PHF21B: variants seen among roughly 807,000 people sequenced by gnomAD.
PHF21B encodes PHD finger protein 21B, also known as PHD finger protein 4.
PHF21B carries 22 observed loss-of-function variants against 62.2 expected under a neutral mutation model. The observed-to-expected ratio is 0.35, with a 90% CI of 0.25 to 0.51. The LOEUF (loss-of-function observed/expected upper bound fraction) is 0.51. Among genes scored for constraint, PHF21B ranks in the 20% least tolerant of loss-of-function variants. The pLI, the probability that PHF21B is intolerant of heterozygous loss-of-function variation, is 0.97. For missense variants in PHF21B, 701 were observed against 707.9 expected, an observed-to-expected ratio of 0.99 and a Z score of 0.11; for synonymous variants, 341 against 314.7, an observed-to-expected ratio of 1.08 and a Z score of -0.88.
At chr22:44,975,832 T>C (rs1385350962) in intron 2 of PHF21B, among the ~76,000 whole-genome samples, 4 of 152,232 alleles carry the variant, frequency 2.6e-5, no homozygotes, top group Non-Finnish European at 5.9e-5. Flanking sequence ...TCAGTTTTGC[T>C]TCATTTCCAG....
chr22:44,883,652 C>T (rs953649075), intron 12 of PHF21B, among the ~76,000 whole-genome samples: 1 of 152,144 alleles, frequency 6.6e-6, no homozygotes, highest in Non-Finnish European at 1.5e-5. Flanking sequence ...GCTTCCCAGT[C>T]GCCTTTCTGC....
intron 2 of PHF21B, among the ~76,000 whole-genome samples, chr22:44,984,558 G>A (rs971759294): frequency 6.6e-6 from 1 of 152,158 alleles, no homozygotes; most frequent in African/African-American, 2.4e-5. Flanking sequence ...TGGCTCTGAG[G>A]GCCCCTGTGC....
chr22:44,943,090 G>GC (rs1287513545), intron 2 of PHF21B, among the ~76,000 whole-genome samples: 36 of 150,750 alleles, frequency 2.4e-4, no homozygotes, highest in African/African-American at 7.6e-4. Context: ...CACCGCCTCT[G>GC]CCCCCCAAGC....
chr22:45,000,022 A>G (rs2073186230), intron 2 of PHF21B, among the ~76,000 whole-genome samples: 1 of 152,126 alleles, frequency 6.6e-6, no homozygotes, highest in Non-Finnish European at 1.5e-5. Context: ...CTGGCTGGCC[A>G]TGAACTATTA....
At position 44,916,613 on chromosome 22, in the gene PHF21B, CAG is replaced by C. The variant is rs777864197; in HGVS notation, c.229_230del (p.Leu77AspfsTer97). On this transcript the variant is annotated frameshift_variant, in exon 4 of 13. Coordinates refer to ENST00000313237, the MANE Select transcript of PHF21B (RefSeq NM_138415.5). LOFTEE classifies it high-confidence loss of function. ...AVLPQVRPKT[L>X]IPDSLPVAPG... ...GGGCAACGGGGAGGCTGTCTGGAATCAGAGTCTTTGGCCTAACCTGGGAAGAA... is the reference window on the plus strand; with the variant it reads ...GGGCAACGGGGAGGCTGTCTGGAATCAGTCTTTGGCCTAACCTGGGAAGAA... 6.2e-7 allele frequency: 1 copy of C among 1,602,208 alleles called. No individual in the cohort carries two copies.
At chr22:44,959,447 G>C (rs2072373077) in intron 2 of PHF21B, among the ~76,000 whole-genome samples, 1 of 152,146 alleles carries the variant, frequency 6.6e-6, no homozygotes, top group Non-Finnish European at 1.5e-5. Context: ...GGTCCAAGTG[G>C]ACAGTAGACA....
At chr22:44,891,385 C>A in intron 7 of PHF21B, 25 bp from the exon 8 acceptor site, 1 of 1,611,432 alleles carries the variant, frequency 6.2e-7, no homozygotes, top group South Asian at 1.1e-5. Flanking sequence ...AACAAAACAA[C>A]ACACCCCATC....
intron 2 of PHF21B, among the ~76,000 whole-genome samples, chr22:44,946,228 G>A (rs539556438): frequency 9.5e-5 from 14 of 146,926 alleles, no homozygotes; most frequent in African/African-American, 2.7e-4. Flanking sequence ...TCTGGGGCTC[G>A]GGGTGGGGAG....
intron 5 of PHF21B, among the ~76,000 whole-genome samples, chr22:44,908,709 C>A (rs1349086631): frequency 6.6e-6 from 1 of 152,216 alleles, no homozygotes. Flanking sequence ...CTACTGCTGT[C>A]CGGTTTCTAG....
At chr22:44,883,755 C>T (rs575470502) in intron 12 of PHF21B, among the ~76,000 whole-genome samples, 20 of 152,096 alleles carry the variant, frequency 1.3e-4, no homozygotes, top group Non-Finnish European at 2.4e-4. Flanking sequence ...GGACTGATGC[C>T]TACAGTCCCA....
At chr22:44,955,228 C>T (rs1429676902) in intron 2 of PHF21B, among the ~76,000 whole-genome samples, 1 of 152,180 alleles carries the variant, frequency 6.6e-6, no homozygotes, top group Non-Finnish European at 1.5e-5. Flanking sequence ...GGGAGGAGCA[C>T]ACAGCACCAC....
At chr22:44,982,509 G>A (rs188095467) in intron 2 of PHF21B, among the ~76,000 whole-genome samples, 12 of 152,216 alleles carry the variant, frequency 7.9e-5, no homozygotes, top group Middle Eastern at 3.4e-3. Context: ...CTCTAAGCCC[G>A]TGTCCTCCCC....
At position 45,008,521 on chromosome 22, in the gene PHF21B, G is replaced by A. The variant is rs751289425; in HGVS notation, c.120+24C>T. On this transcript the variant is annotated intron_variant, in intron 2 of 12. Coordinates refer to ENST00000313237, the MANE Select transcript of PHF21B (RefSeq NM_138415.5). ...AGCCACCCTCCCGCCCCATCCCAGG[G>A]GGGGCCGCGATCCCATCGCTTACTT... The A allele has an allele frequency of 4.5e-6, 7 of 1,555,266 alleles. No individual in the cohort carries two copies. The South Asian group carries it at 5.9e-5, about 13-fold the overall frequency.
chr22:44,925,317 TCCCTCC>T (rs2071607887), intron 2 of PHF21B, among the ~76,000 whole-genome samples: 1 of 152,252 alleles, frequency 6.6e-6, no homozygotes, highest in Admixed American at 6.5e-5. Context: ...TGTTAAAAAT[TCCCTCC>T]CCATTTCTCT....
chr22:44,910,802 T>C (rs978614014), intron 5 of PHF21B, among the ~76,000 whole-genome samples: 1 of 152,210 alleles, frequency 6.6e-6, no homozygotes. Context: ...GGGATGTTGC[T>C]GAAAAGATAC....
chr22:44,907,516 G>A (rs1187899958), intron 5 of PHF21B, among the ~76,000 whole-genome samples: 1 of 152,212 alleles, frequency 6.6e-6, no homozygotes, highest in Non-Finnish European at 1.5e-5. Flanking sequence ...CTGGGCTTAG[G>A]ATCATGAGAG....
At chr22:44,947,859 C>T (rs115738945) in intron 2 of PHF21B, among the ~76,000 whole-genome samples, 1,736 of 152,228 alleles carry the variant, frequency 0.011, 34 homozygotes, top group African/African-American at 0.04. Context: ...CCAGATACGA[C>T]TTACAAACAG....
intron 2 of PHF21B, among the ~76,000 whole-genome samples, chr22:44,958,597 G>GATTTTT (rs2072351694): frequency 1.7e-5 from 1 of 58,512 alleles, no homozygotes. Flanking sequence ...GCCTTCCTTT[G>GATTTTT]ATTTTTTTTT....
In PHF21B at chr22:44,881,433, G is replaced by A. The variant is rs1463333379; in HGVS notation, c.*1653C>T. The stretch of plus-strand genomic sequence containing the variant: ...GAAGCTGAAGACATGGACATCGCAA[G>A]CCACGCGGTAATGCATACTTGGCAC... On this transcript the variant is annotated 3_prime_UTR_variant, in exon 13 of 13. Coordinates refer to ENST00000313237, the MANE Select transcript of PHF21B (RefSeq NM_138415.5). 6.5e-6 allele frequency: 1 copy of A among 152,682 alleles called. No individual in the cohort carries two copies. Among genetic ancestry groups the A allele is most frequent in the Non-Finnish European group, 1.5e-5 (1 of 68,064 alleles). The allele number at this position is 152,682 out of a possible 1,614,324, so 9.5% of individuals were successfully genotyped here.
Sources: gnomAD v4.1 joint callset for allele counts (sites outside exome capture counted in the v4.1 genomes callset) on GRCh38, gnomAD v4.1.1 for gene constraint, MANE v1.5 for transcripts, NCBI Gene and HGNC (gene_info 2026-07-23, HGNC 2026-07-21) for gene names.